Variants in TAX1BP1 observed in about 807,000 individuals in gnomAD.
TAX1BP1 encodes Tax1 binding protein 1, also known as tax1-binding protein 1.
A neutral mutation model predicts 97.7 loss-of-function variants in TAX1BP1; 62 were observed. The ratio of observed to expected loss-of-function variants is 0.63; its 90% CI spans 0.52 to 0.78. The LOEUF (loss-of-function observed/expected upper bound fraction) is 0.78. Among genes scored for constraint, TAX1BP1 ranks in the 30% least tolerant of loss-of-function variants. The pLI is 0.00. For missense variants in TAX1BP1, 867 were observed against 916.1 expected (o/e 0.95, Z 0.69); for synonymous variants, 340 against 304.2 (o/e 1.12, Z -1.23).
chr7:27,753,566 C>G (rs1788099484), intron 2 of TAX1BP1, among the ~76,000 whole-genome samples: 1 of 152,184 alleles, frequency 6.6e-6, no homozygotes, highest in Admixed American at 6.5e-5. Context: ...ACTCTATTTA[C>G]ACTGTACTTT....
At position 27,785,504 on chromosome 7, in the gene TAX1BP1, A is replaced by G; in HGVS notation, c.852+15A>G. The G allele has an allele frequency of 6.3e-7, 1 of 1,591,802 alleles. No homozygotes were observed. The highest frequency in any genetic ancestry group is 1.4e-5 in the African/African-American group (1 of 73,908). ...AACTTTATAAGGTAATTTATTTTTT[A>G]CCATATCTATTGCCTGTTGCTTCAA... On this transcript the variant is annotated intron_variant, in intron 7 of 16. Coordinates refer to ENST00000396319, the MANE Select transcript of TAX1BP1 (RefSeq NM_006024.7).
rs1223154013 is a variant in TAX1BP1 at position 27,792,216 on chromosome 7, A to G, written c.1249A>G (p.Met417Val). 6 of 1,608,964 alleles carry G rather than the reference A, an allele frequency of 3.7e-6. No homozygotes were observed. The highest frequency in any genetic ancestry group is 2.7e-5 in the African/African-American group (2 of 74,700). Residue 417 changes from methionine (M) to valine (V), a missense_variant, in exon 9 of 17, where the codon ATG becomes GTG. Physicochemically the swap from Met to Val is conservative, Grantham distance 21. Transcript: ENST00000396319. ...AGTGGCAGAACTTAAACTAAATGCT[A>G]TGAAAAAAGATCAGGTAAAACAAGT... ...DAVAELKLNA[M>V]KKDQDKTDTL...
Position 27,829,170 on chromosome 7 carries a change from ATTAT to A in TAX1BP1, c.*345_*348del, listed in dbSNP as rs748840827. The A allele has an allele frequency of 5.5e-5, 10 of 180,486 alleles. No individual in the cohort carries two copies. Among genetic ancestry groups the A allele is most frequent in the South Asian group, 1.8e-4 (1 of 5,412 alleles). The allele number at this position is 180,486 out of a possible 1,614,324, so 11.2% of individuals were successfully genotyped here. A position where few individuals can be genotyped will look rare whatever the true frequency, so the allele number is the denominator to read the frequency against. On this transcript the variant is annotated 3_prime_UTR_variant, in exon 17 of 17. Coordinates refer to ENST00000396319, the MANE Select transcript of TAX1BP1 (RefSeq NM_006024.7). Reference sequence around the variant, plus strand: ...AAACGTGTATGTATTAGTGTGCTAGATTATTTAGCAGAATATTCACAAGTTTCTG... The same window carrying A: ...AAACGTGTATGTATTAGTGTGCTAGATTAGCAGAATATTCACAAGTTTCTG...
At chr7:27,787,791 C>G (rs964787091) in intron 8 of TAX1BP1, among the ~76,000 whole-genome samples, 188 bp downstream of exon 8, 10 of 151,946 alleles carry the variant, frequency 6.6e-5, no homozygotes, top group African/African-American at 2.4e-4. Flanking sequence ...TGTTTTATCT[C>G]CCTCATTTAT....
At chr7:27,769,912 T>A (rs1049806261) in intron 5 of TAX1BP1, 78 bp downstream of exon 5, 12 of 1,420,068 alleles carry the variant, frequency 8.5e-6, no homozygotes, top group Non-Finnish European at 1.1e-5. Flanking sequence ...GCTGAACCAA[T>A]TAAGTAAGTG....
intron 13 of TAX1BP1, among the ~76,000 whole-genome samples, chr7:27,810,193 C>G (rs1790502770): frequency 6.6e-6 from 1 of 151,854 alleles, no homozygotes; most frequent in South Asian, 2.1e-4. Context: ...AGGCGTGAGC[C>G]ACCACGCACA....
At chr7:27,781,720 A>ATT (rs560696903) in intron 5 of TAX1BP1, among the ~76,000 whole-genome samples, 1 of 148,438 alleles carries the variant, frequency 6.7e-6, no homozygotes, top group African/African-American at 2.5e-5. Flanking sequence ...TAATTAATTA[A>ATT]TTTTTTTTTT....
chr7:27,763,880 T>G (rs1221667694), intron 3 of TAX1BP1, among the ~76,000 whole-genome samples: 1 of 152,258 alleles, frequency 6.6e-6, no homozygotes, highest in Non-Finnish European at 1.5e-5. Flanking sequence ...AGCTTTTAAA[T>G]AAGCCTAGTG....
chr7:27,766,170 C>T (rs536412225), intron 4 of TAX1BP1, 149 bp downstream of exon 4: 13 of 762,008 alleles, frequency 1.7e-5, no homozygotes, highest in African/African-American at 5.3e-5. Context: ...CCTGTAATCC[C>T]GGCACTCTGG....
chr7:27,758,716 A>T (rs546573375), intron 3 of TAX1BP1, among the ~76,000 whole-genome samples: 159 of 152,288 alleles, frequency 1.0e-3, no homozygotes, highest in African/African-American at 3.6e-3. Flanking sequence ...AAAAAGAAAA[A>T]TACTGCATAA....
At chr7:27,811,620 T>G (rs967258812) in intron 13 of TAX1BP1, among the ~76,000 whole-genome samples, 12 of 152,094 alleles carry the variant, frequency 7.9e-5, no homozygotes, top group African/African-American at 2.9e-4. Flanking sequence ...AAGGTGCAGT[T>G]TACATGTAAT....
At chr7:27,754,383 A>AAT (rs990810340) in intron 2 of TAX1BP1, among the ~76,000 whole-genome samples, 2 of 147,950 alleles carry the variant, frequency 1.4e-5, no homozygotes, top group Non-Finnish European at 1.5e-5. Flanking sequence ...TTACAATTAT[A>AAT]ATATATATAA....
At chr7:27,763,228 G>A (rs544996596) in intron 3 of TAX1BP1, among the ~76,000 whole-genome samples, 86 of 152,230 alleles carry the variant, frequency 5.6e-4, no homozygotes, top group Non-Finnish European at 1.0e-3. Context: ...ATACCTAAAC[G>A]TGATTGTTTT....
chr7:27,815,937 G>C (rs571139994), intron 13 of TAX1BP1, among the ~76,000 whole-genome samples: 5 of 152,300 alleles, frequency 3.3e-5, no homozygotes, highest in African/African-American at 1.2e-4. Flanking sequence ...AGGAAGCTGA[G>C]GGAGGAGAAT....
At chr7:27,760,837 T>G (rs1339615256) in intron 3 of TAX1BP1, among the ~76,000 whole-genome samples, 1 of 152,208 alleles carries the variant, frequency 6.6e-6, no homozygotes, top group African/African-American at 2.4e-5. Flanking sequence ...AAACTTAACT[T>G]TAATTTGGAA....
At chr7:27,748,047 G>C (rs566034914) in intron 1 of TAX1BP1, among the ~76,000 whole-genome samples, 1 of 152,056 alleles carries the variant, frequency 6.6e-6, no homozygotes, top group Non-Finnish European at 1.5e-5. Flanking sequence ...TTAGGGAGGA[G>C]AATGATGAAG....
At chr7:27,797,191 G>T (rs1789967447) in intron 12 of TAX1BP1, among the ~76,000 whole-genome samples, 1 of 151,894 alleles carries the variant, frequency 6.6e-6, no homozygotes, top group Admixed American at 6.6e-5. Flanking sequence ...TAGAGGCGGG[G>T]TTTCACGATG....
chr7:27,800,198 GT>G, intron 13 of TAX1BP1, 108 bp downstream of exon 13: 3 of 1,055,004 alleles, frequency 2.8e-6, no homozygotes, highest in Non-Finnish European at 2.6e-6. Flanking sequence ...ATAATTGATA[GT>G]TTTTTCTACA....
intron 8 of TAX1BP1, among the ~76,000 whole-genome samples, chr7:27,787,862 T>G (rs556295827): frequency 1.3e-5 from 2 of 152,238 alleles, no homozygotes; most frequent in South Asian, 4.1e-4. Context: ...CTAAATACTT[T>G]AGCATGTCTC....
Sources: allele counts gnomAD v4.1 joint callset (sites outside exome capture counted in the v4.1 genomes callset), GRCh38; gene constraint gnomAD v4.1.1; transcripts MANE v1.5; gene names NCBI Gene and HGNC (gene_info 2026-07-23, HGNC 2026-07-21).